The following GPC5 variants were observed in gnomAD, a reference collection of about 807,000 sequenced individuals.
The protein encoded by GPC5 is glypican-5.
A neutral mutation model predicts 53.9 loss-of-function variants in GPC5; 47 were observed. The observed-to-expected ratio is 0.87, with a 90% CI of 0.69 to 1.11. The LOEUF is 1.11. Among genes scored for constraint, GPC5 ranks in the 50% most tolerant of loss-of-function variants. The pLI, the probability that GPC5 is intolerant of heterozygous loss-of-function variation, is 0.00. For synonymous variants in GPC5, 286 were observed against 263.3 expected, an observed-to-expected ratio of 1.09 and a Z score of -0.84; for missense variants, 748 against 713.1, an observed-to-expected ratio of 1.05 and a Z score of -0.56.
intron 7 of GPC5, among the ~76,000 whole-genome samples, chr13:92,269,832 T>C (rs1264707136): frequency 6.6e-6 from 1 of 152,248 alleles, no homozygotes; most frequent in Non-Finnish European, 1.5e-5. Context: ...ATTCCTTGTT[T>C]TCTTGCTTTA....
At chr13:92,267,488 T>G (rs1420574717) in intron 7 of GPC5, among the ~76,000 whole-genome samples, 2 of 152,162 alleles carry the variant, frequency 1.3e-5, no homozygotes, top group African/African-American at 4.8e-5. Context: ...GGGTTTTTCA[T>G]TCTGTTTCAT....
intron 2 of GPC5, among the ~76,000 whole-genome samples, chr13:91,494,934 A>G (rs1001223821): frequency 4.6e-5 from 7 of 152,272 alleles, no homozygotes; most frequent in African/African-American, 1.7e-4. Context: ...ACAGCTTCAA[A>G]TATCAGAACT....
intron 7 of GPC5, among the ~76,000 whole-genome samples, chr13:92,251,096 C>A (rs940461297): frequency 6.6e-6 from 1 of 152,044 alleles, no homozygotes; most frequent in African/African-American, 2.4e-5. Context: ...TACAAAGTAT[C>A]AATTAAATTA....
chr13:92,276,006 TAC>T (rs2042872563), intron 7 of GPC5, among the ~76,000 whole-genome samples: 1 of 152,086 alleles, frequency 6.6e-6, no homozygotes, highest in Non-Finnish European at 1.5e-5. Flanking sequence ...TAATAACAGG[TAC>T]AGGCCTAGCA....
At chr13:92,237,168 T>C (rs1016365702) in intron 7 of GPC5, among the ~76,000 whole-genome samples, 1 of 152,180 alleles carries the variant, frequency 6.6e-6, no homozygotes, top group Non-Finnish European at 1.5e-5. Context: ...TGCTTTATTG[T>C]CTTTTGCTAA....
intron 7 of GPC5, among the ~76,000 whole-genome samples, chr13:92,222,465 AAAG>A (rs1250721124): frequency 1.3e-5 from 2 of 152,226 alleles, no homozygotes; most frequent in Non-Finnish European, 2.9e-5. Flanking sequence ...ACAGATGGTC[AAAG>A]AAGAAAGTGA....
chr13:92,265,348 C>A (rs2042795949), intron 7 of GPC5, among the ~76,000 whole-genome samples: 1 of 152,106 alleles, frequency 6.6e-6, no homozygotes, highest in Non-Finnish European at 1.5e-5. Flanking sequence ...AAATTTCTTT[C>A]TCCAGATAGT....
At chr13:91,571,863 G>A (rs2031839651) in intron 2 of GPC5, among the ~76,000 whole-genome samples, 1 of 120,366 alleles carries the variant, frequency 8.3e-6, no homozygotes, top group Non-Finnish European at 1.7e-5. Flanking sequence ...ACATATACGT[G>A]TGTGTATATA....
intron 6 of GPC5, among the ~76,000 whole-genome samples, chr13:92,048,149 T>C (rs2040998225): frequency 6.6e-6 from 1 of 152,172 alleles, no homozygotes; most frequent in Admixed American, 6.5e-5. Flanking sequence ...TTCAGCCTTC[T>C]TCTCATATGT....
intron 5 of GPC5, among the ~76,000 whole-genome samples, chr13:91,814,932 A>C (rs2038377258): frequency 6.6e-6 from 1 of 152,240 alleles, no homozygotes; most frequent in South Asian, 2.1e-4. Context: ...TATTTCAAGA[A>C]CAGTATAGAC....
chr13:91,760,402 A>G (rs2037385265), intron 5 of GPC5, among the ~76,000 whole-genome samples: 1 of 152,210 alleles, frequency 6.6e-6, no homozygotes, highest in Non-Finnish European at 1.5e-5. Flanking sequence ...GATTCATTTC[A>G]GAGACCTGCA....
chr13:92,518,282 C>A (rs373456082), intron 7 of GPC5, among the ~76,000 whole-genome samples: 41 of 152,216 alleles, frequency 2.7e-4, no homozygotes, highest in African/African-American at 9.4e-4. Flanking sequence ...GAGGATGCCA[C>A]AAAGATACTC....
chr13:92,053,686 A>C (rs1238826336), intron 6 of GPC5, among the ~76,000 whole-genome samples: 1 of 152,100 alleles, frequency 6.6e-6, no homozygotes, highest in Admixed American at 6.6e-5. Flanking sequence ...TATAGCAATA[A>C]AGAAGTTGTA....
At chr13:91,959,057 AACACACACAC>A (rs147785443) in intron 6 of GPC5, among the ~76,000 whole-genome samples, 52 of 127,718 alleles carry the variant, frequency 4.1e-4, no homozygotes, top group South Asian at 1.4e-3. Context: ...GAATGGAGAC[AACACACACAC>A]ACACACACAC....
At chr13:92,586,965 C>CGT (rs1491217306) in intron 7 of GPC5, among the ~76,000 whole-genome samples, 3 of 110,514 alleles carry the variant, frequency 2.7e-5, no homozygotes, top group African/African-American at 1.1e-4. Context: ...CACACACACG[C>CGT]GCACACACAC....
intron 7 of GPC5, among the ~76,000 whole-genome samples, chr13:92,589,112 T>A (rs1594326967): frequency 1.3e-5 from 2 of 152,222 alleles, no homozygotes; most frequent in Non-Finnish European, 2.9e-5. Flanking sequence ...GTTTCTTGAC[T>A]TTGGTTACCA....
chr13:92,093,215 CT>C (rs1163081099), intron 6 of GPC5, among the ~76,000 whole-genome samples: 6 of 151,924 alleles, frequency 3.9e-5, no homozygotes, highest in Admixed American at 3.9e-4. Flanking sequence ...AGGCCTTTTT[CT>C]TTGTTGAATT....
At chr13:91,463,865 A>G (rs1227590996) in intron 2 of GPC5, among the ~76,000 whole-genome samples, 1 of 152,126 alleles carries the variant, frequency 6.6e-6, no homozygotes, top group East Asian at 1.9e-4. Context: ...AACAGTTCTT[A>G]GATTAGACAA....
At chr13:92,498,955 T>G (rs1358642626) in intron 7 of GPC5, among the ~76,000 whole-genome samples, 2 of 152,080 alleles carry the variant, frequency 1.3e-5, no homozygotes, top group East Asian at 3.9e-4. Context: ...TTCTTTCACA[T>G]GAATATGAAA....
Sources: allele counts gnomAD v4.1 joint callset (sites outside exome capture counted in the v4.1 genomes callset), GRCh38; gene constraint gnomAD v4.1.1; transcripts MANE v1.5; gene names NCBI Gene and HGNC (gene_info 2026-07-23, HGNC 2026-07-21).